The following CMSS1 variants were observed in gnomAD, a reference collection of about 807,000 sequenced individuals.
CMSS1 encodes protein CMSS1.
CMSS1 carries 33 observed loss-of-function variants against 43.5 expected under a neutral mutation model. That is an observed-to-expected ratio of 0.76 (90% CI 0.57 to 1.01). The LOEUF (loss-of-function observed/expected upper bound fraction) is 1.01, where lower values mean the gene tolerates loss of function less well. Ranked by LOEUF, CMSS1 falls within the 50% of genes least tolerant of loss-of-function variation. The pLI is 0.00. For synonymous variants in CMSS1, 115 were observed against 117.2 expected (o/e 0.98, Z 0.12); for missense variants, 313 against 326.4 (o/e 0.96, Z 0.32).
At chr3:100,028,421 T>G (rs2064965994) in intron 1 of CMSS1, among the ~76,000 whole-genome samples, 1 of 152,160 alleles carries the variant, frequency 6.6e-6, no homozygotes, top group Non-Finnish European at 1.5e-5. Flanking sequence ...AGCTGGTGGT[T>G]GTTTGGCCTT....
At chr3:100,054,522 GTTATGTTA>G (rs2065430305) in intron 1 of CMSS1, among the ~76,000 whole-genome samples, 2 of 151,906 alleles carry the variant, frequency 1.3e-5, no homozygotes, top group Non-Finnish European at 1.5e-5. Flanking sequence ...GTTATGTTAT[GTTATGTTA>G]TGTTATGTTA....
chr3:100,135,164 G>A (rs1173362184), intron 1 of CMSS1, among the ~76,000 whole-genome samples: 1 of 152,100 alleles, frequency 6.6e-6, no homozygotes, highest in African/African-American at 2.4e-5. Context: ...AATTTATATA[G>A]CAATGCTTCC....
At chr3:99,997,578 A>C (rs1709719639) in intron 1 of CMSS1, among the ~76,000 whole-genome samples, 1 of 152,186 alleles carries the variant, frequency 6.6e-6, no homozygotes. Flanking sequence ...TAATATTCAC[A>C]ATAGATGGTA....
In CMSS1 at chr3:100,139,789, C is replaced by T. The variant is rs557106556; in HGVS notation, c.65-7184C>T. Among the ~76,000 whole-genome samples the T allele has an allele frequency of 9.1e-5, 11 of 120,454 alleles. No individual in the cohort carries two copies. In the South Asian group the frequency reaches 1.2e-3, roughly 13 times the overall value. The allele number at this position is 120,454 out of a possible 152,430, so 79.0% of individuals were successfully genotyped here. Reference sequence around the variant, plus strand: ...TCCAGCCTGGGCGACGAGAGCAAAACTCCATCTCAAAAAAAAAAAAAAAAT... The same window carrying T: ...TCCAGCCTGGGCGACGAGAGCAAAATTCCATCTCAAAAAAAAAAAAAAAAT... On this transcript the variant is annotated intron_variant, in intron 1 of 9. Coordinates refer to ENST00000421999, the MANE Select transcript of CMSS1 (RefSeq NM_032359.4).
chr3:99,858,534 A>G (rs1281536535), intron 1 of CMSS1, among the ~76,000 whole-genome samples: 1 of 152,232 alleles, frequency 6.6e-6, no homozygotes, highest in Non-Finnish European at 1.5e-5. Flanking sequence ...TCTGCTAAAT[A>G]ACATATTTTT....
intron 2 of CMSS1, among the ~76,000 whole-genome samples, chr3:100,149,346 A>G (rs574902849): frequency 6.6e-6 from 1 of 152,100 alleles, no homozygotes; most frequent in Admixed American, 6.5e-5. Flanking sequence ...GACTCCAAGG[A>G]TACTGTTGCT....
intron 1 of CMSS1, among the ~76,000 whole-genome samples, chr3:99,960,453 G>A (rs1006422644): frequency 6.6e-6 from 1 of 152,124 alleles, no homozygotes; most frequent in Non-Finnish European, 1.5e-5. Flanking sequence ...ACCCACAGGG[G>A]AAAAATCAAA....
At chr3:100,069,215 A>C (rs1444867554) in intron 1 of CMSS1, among the ~76,000 whole-genome samples, 1 of 152,156 alleles carries the variant, frequency 6.6e-6, no homozygotes, top group Non-Finnish European at 1.5e-5. Flanking sequence ...AAAAAGGTGC[A>C]ATTCTATTTC....
chr3:100,156,216 C>G (rs1462816407), intron 2 of CMSS1, among the ~76,000 whole-genome samples: 1 of 151,518 alleles, frequency 6.6e-6, no homozygotes, highest in Non-Finnish European at 1.5e-5. Context: ...CGTTGAACTC[C>G]TGGGCTCAAG....
At chr3:99,877,610 T>C (rs767763230) in intron 1 of CMSS1, among the ~76,000 whole-genome samples, 14 of 152,220 alleles carry the variant, frequency 9.2e-5, no homozygotes, top group Non-Finnish European at 2.1e-4. Context: ...TAATATTTGA[T>C]TTGCAATTGT....
At position 100,155,409 on chromosome 3, in the gene CMSS1, T is replaced by C. The variant is rs557456769; in HGVS notation, c.154-5021T>C. ...CCTATTGTTAATTGTTTCCATATGT[T>C]CCAACATCTCTTCCACATTCCCATG... On this transcript the variant is annotated intron_variant, in intron 2 of 9. Transcript: ENST00000421999. Among the ~76,000 whole-genome samples the C allele has an allele frequency of 2.0e-5, 3 of 152,372 alleles. No individual in the cohort carries two copies. In the South Asian group the frequency reaches 6.2e-4, roughly 32 times the overall value.
At chr3:100,109,913 C>T (rs1378985371) in intron 1 of CMSS1, 3 of 123,172 alleles carry the variant, frequency 2.4e-5, no homozygotes, top group African/African-American at 3.0e-5. Flanking sequence ...ACCCCCCCCC[C>T]CCAGCACCAC....
intron 1 of CMSS1, chr3:99,848,457 A>C: frequency 6.2e-7 from 1 of 1,614,174 alleles, no homozygotes; most frequent in South Asian, 1.1e-5. Context: ...GGCTGGCTAC[A>C]GCTTGCATGT....
chr3:99,869,638 C>A (rs1338038030), intron 1 of CMSS1, among the ~76,000 whole-genome samples: 2 of 152,182 alleles, frequency 1.3e-5, no homozygotes, highest in African/African-American at 4.8e-5. Flanking sequence ...TCTCTCTAGG[C>A]TCCTGGACCA....
chr3:100,120,674 G>A (rs953660892), intron 1 of CMSS1, among the ~76,000 whole-genome samples: 1 of 149,954 alleles, frequency 6.7e-6, no homozygotes, highest in Non-Finnish European at 1.5e-5. Context: ...AAGGTGGTAT[G>A]AGATTCTCAT....
At chr3:99,869,984 C>T (rs930947198) in intron 1 of CMSS1, among the ~76,000 whole-genome samples, 1 of 152,032 alleles carries the variant, frequency 6.6e-6, no homozygotes, top group African/African-American at 2.4e-5. Context: ...CATCTTTTCT[C>T]CATTTACATG....
At chr3:100,167,461 A>C (rs1339081276) in intron 5 of CMSS1, among the ~76,000 whole-genome samples, 9 of 152,244 alleles carry the variant, frequency 5.9e-5, no homozygotes, top group Non-Finnish European at 1.3e-4. Context: ...CTAAATTAAA[A>C]TATCAAAAAT....
intron 1 of CMSS1, among the ~76,000 whole-genome samples, chr3:100,001,760 A>G (rs1253085564): frequency 6.6e-6 from 1 of 152,188 alleles, no homozygotes. Flanking sequence ...TTTGAATTTA[A>G]ACCAGTCTGC....
At chr3:99,938,872 A>G (rs1266205558) in intron 1 of CMSS1, among the ~76,000 whole-genome samples, 1 of 152,174 alleles carries the variant, frequency 6.6e-6, no homozygotes, top group East Asian at 1.9e-4. Flanking sequence ...ACTCACCCAC[A>G]TTTGAAGACA....
Sources: allele counts gnomAD v4.1 joint callset (sites outside exome capture counted in the v4.1 genomes callset), GRCh38; gene constraint gnomAD v4.1.1; transcripts MANE v1.5; gene names NCBI Gene and HGNC (gene_info 2026-07-23, HGNC 2026-07-21).